KLHL12: variants seen among roughly 807,000 people sequenced by gnomAD.
KLHL12 encodes the protein kelch-like protein 12.
In KLHL12, 17 loss-of-function variants were observed where a neutral mutation model predicts 60.8. The observed-to-expected ratio is 0.28, with a 90% confidence interval of 0.19 to 0.42. The LOEUF (loss-of-function observed/expected upper bound fraction) is 0.42, where lower values mean the gene tolerates loss of function less well. KLHL12 is among the 10% of genes least tolerant of loss of function. The probability of loss-of-function intolerance (pLI) is 1.00; values close to 1 mark genes in which losing one functional copy is unlikely to be tolerated. For missense variants in KLHL12, 468 were observed against 722.3 expected (o/e 0.65, Z 4.04); for synonymous variants, 220 against 250.9 (o/e 0.88, Z 1.16).
intron 6 of KLHL12, among the ~76,000 whole-genome samples, chr1:202,901,026 A>G (rs1379965846): frequency 6.6e-6 from 1 of 152,184 alleles, no homozygotes; most frequent in African/African-American, 2.4e-5. Context: ...AGCCTGGGTG[A>G]CAAAGCAAGA....
At chr1:202,901,937 C>T (rs1274357329) in intron 6 of KLHL12, among the ~76,000 whole-genome samples, 5 of 152,134 alleles carry the variant, frequency 3.3e-5, no homozygotes, top group Non-Finnish European at 7.4e-5. Context: ...TCCCCACTCA[C>T]GTATTACCCC....
intron 2 of KLHL12, 66 bp from the exon 3 acceptor site, chr1:202,919,974 A>C: frequency 1.5e-6 from 2 of 1,318,592 alleles, no homozygotes; most frequent in Non-Finnish European, 2.2e-6. Flanking sequence ...AGAATCTCAT[A>C]TCTAAGAGCT....
At chr1:202,913,919 G>A (rs1159648888) in intron 4 of KLHL12, among the ~76,000 whole-genome samples, 2 of 152,170 alleles carry the variant, frequency 1.3e-5, no homozygotes, top group South Asian at 2.1e-4. Context: ...ACAGCAACAC[G>A]GGGCTAGCGG....
chr1:202,916,395 T>C (rs1660520453), intron 4 of KLHL12, among the ~76,000 whole-genome samples: 2 of 152,218 alleles, frequency 1.3e-5, no homozygotes, highest in Admixed American at 1.3e-4. Flanking sequence ...GGCTCACACT[T>C]ATAATCTCAG....
rs1660285037 is a variant in KLHL12 at position 202,909,248 on chromosome 1, C to G, written c.718-124G>C. 1.7e-6 allele frequency: 1 copy of G among 589,006 alleles called. No individual in the cohort carries two copies. 36.5% of individuals were successfully genotyped at this position (589,006 alleles called of 1,614,324 possible). A position where few individuals can be genotyped will look rare whatever the true frequency, so the allele number is the denominator to read the frequency against. On this transcript the variant is annotated intron_variant, in intron 5 of 11. Coordinates refer to ENST00000367261, the MANE Select transcript of KLHL12 (RefSeq NM_021633.4). This position sits in a 1 kb window ranked among gnomAD's most constrained non-coding sequence, Gnocchi z 4.1. ...AACCAGTTTGCAAAGCCCTGTGATT[C>G]CAGGAGTATTGCTGGTAGTAACCAT...
rs1659740539 is a variant in KLHL12 at position 202,893,524 on chromosome 1, G to A, written c.1394-99C>T. 3.0e-6 allele frequency: 3 copies of A among 985,804 alleles called. No homozygotes were observed. The highest frequency in any genetic ancestry group is 3.1e-6 in the Non-Finnish European group (2 of 655,500). 61.1% of individuals were successfully genotyped at this position (985,804 alleles called of 1,614,324 possible). On this transcript the variant is annotated intron_variant, in intron 10 of 11. Transcript: ENST00000367261. This position sits in a 1 kb window ranked among gnomAD's most constrained non-coding sequence, Gnocchi z 4.1. ...CACTAATGACTAGCTGAGTTCTACAGTAGATGAGGGATATGGAATGGGCCC... is the reference window on the plus strand; with the variant it reads ...CACTAATGACTAGCTGAGTTCTACAATAGATGAGGGATATGGAATGGGCCC...
rs1325935009 is a variant in KLHL12, at chr1:202,892,268, C to G, written c.*265G>C. The G allele has an allele frequency of 1.7e-5, 7 of 412,764 alleles. No homozygotes were observed. The highest frequency in any genetic ancestry group is 1.4e-4 in the African/African-American group (7 of 49,572). The allele number at this position is 412,764 out of a possible 1,614,324, so 25.6% of individuals were successfully genotyped here. ...GTTAGAAATGACAGGAAAGTGCTCCCCAAAGCAGTGGGAGAGGCAATGTGG... is the reference window on the plus strand; with the variant it reads ...GTTAGAAATGACAGGAAAGTGCTCCGCAAAGCAGTGGGAGAGGCAATGTGG... On this transcript the variant is annotated 3_prime_UTR_variant, in exon 12 of 12. Transcript: ENST00000367261.
In KLHL12 at chr1:202,911,095, GGGGCA is replaced by G; in HGVS notation, c.671_675del (p.Met224ThrfsTer14). ...TCTGTGATATACCTGGGGGTTAGTA[GGGGCA>G]TCCGCACATACTGTAGCAGGTTAGG... On this transcript the variant is annotated frameshift_variant, in exon 5 of 12. Transcript: ENST00000367261. LOFTEE classifies it high-confidence loss of function. 1 of 1,614,004 alleles carries G rather than the reference GGGGCA, an allele frequency of 6.2e-7. No individual in the cohort carries two copies. The highest frequency in any genetic ancestry group is 8.5e-7 in the Non-Finnish European group (1 of 1,179,926).
chr1:202,926,874 C>T (rs1653589250), intron 1 of KLHL12, among the ~76,000 whole-genome samples: 1 of 152,188 alleles, frequency 6.6e-6, no homozygotes, highest in Non-Finnish European at 1.5e-5. Flanking sequence ...ATGGCCGCCA[C>T]CGCCAGGTGG....
In KLHL12 at chr1:202,900,123, C is replaced by T. The variant is rs372482197; in HGVS notation, c.833-3163G>A. ...TGATGTATGTATGAATAAAAATTCCCACACCAACCAAGAGGTACTTCCTGT... is the reference window on the plus strand; with the variant it reads ...TGATGTATGTATGAATAAAAATTCCTACACCAACCAAGAGGTACTTCCTGT... On this transcript the variant is annotated intron_variant, in intron 6 of 11. Coordinates refer to ENST00000367261, the MANE Select transcript of KLHL12 (RefSeq NM_021633.4). Among the ~76,000 whole-genome samples, 658 of 152,140 alleles carry T rather than the reference C, an allele frequency of 4.3e-3. 3 individuals are homozygous for T. The highest frequency in any genetic ancestry group is 0.015 in the African/African-American group (633 of 41,504).
intron 2 of KLHL12, among the ~76,000 whole-genome samples, chr1:202,923,785 G>A (rs1653346795): frequency 6.6e-6 from 1 of 151,864 alleles, no homozygotes; most frequent in Non-Finnish European, 1.5e-5. Context: ...ATAAAAGGTA[G>A]TTATTACCAT....
intron 2 of KLHL12, among the ~76,000 whole-genome samples, chr1:202,921,484 C>T (rs1250471279): frequency 6.6e-6 from 1 of 152,126 alleles, no homozygotes; most frequent in Admixed American, 6.5e-5. Context: ...CCTTAGACTG[C>T]ATTTAGTAAT....
chr1:202,913,079 A>G (rs1330777591), intron 4 of KLHL12, among the ~76,000 whole-genome samples: 1 of 152,052 alleles, frequency 6.6e-6, no homozygotes, highest in Admixed American at 6.5e-5. Flanking sequence ...AAAACAAGAA[A>G]GAAAAGCATT....
chr1:202,897,257 C>CA (rs1363401485), intron 6 of KLHL12, among the ~76,000 whole-genome samples: 66 of 101,710 alleles, frequency 6.5e-4, no homozygotes, highest in Non-Finnish European at 4.4e-4. Flanking sequence ...TTTTTGGAGA[C>CA]AGAGTTTCGC....
At chr1:202,928,282 A>AG (rs11403422), upstream of KLHL12, among the ~76,000 whole-genome samples, 3 of 151,268 alleles carry the variant, frequency 2.0e-5, no homozygotes, top group African/African-American at 4.8e-5. Context: ...CTCAAAAAAA[A>AG]AAAAAAGAAA....
At chr1:202,898,407 C>T (rs1659906396) in intron 6 of KLHL12, among the ~76,000 whole-genome samples, 1 of 152,056 alleles carries the variant, frequency 6.6e-6, no homozygotes, top group South Asian at 2.1e-4. Flanking sequence ...ACAGATAAAC[C>T]CCTAATGAAG....
chr1:202,892,525 A>G lies in KLHL12; in HGVS notation c.*8T>C, dbSNP rs763877169. ...GGTCACTAGCTCTGGATGGTGCTCC[A>G]ACAATGGTCACTTCTCGCGGAGAAC... On this transcript the variant is annotated 3_prime_UTR_variant, in exon 12 of 12. Coordinates refer to ENST00000367261, the MANE Select transcript of KLHL12 (RefSeq NM_021633.4). 6.2e-7 allele frequency: 1 copy of G among 1,613,242 alleles called. No homozygotes were observed. Among genetic ancestry groups the G allele is most frequent in the Non-Finnish European group, 8.5e-7 (1 of 1,179,874 alleles).
intron 6 of KLHL12, among the ~76,000 whole-genome samples, chr1:202,905,512 C>A (rs765764310): frequency 5.3e-5 from 8 of 152,148 alleles, no homozygotes; most frequent in Non-Finnish European, 1.2e-4. Flanking sequence ...TCAAAGTAAG[C>A]AAAATGTCTT....
At chr1:202,920,619 G>A (rs1049901112) in intron 2 of KLHL12, among the ~76,000 whole-genome samples, 3 of 151,522 alleles carry the variant, frequency 2.0e-5, no homozygotes, top group Non-Finnish European at 4.4e-5. Context: ...CTCGTGATCC[G>A]CCTGCCTCAG....
Sources: gnomAD v4.1 joint callset for allele counts (sites outside exome capture counted in the v4.1 genomes callset) on GRCh38, gnomAD v4.1.1 for gene constraint, Gnocchi (gnomAD v3.1) non-coding constraint, MANE v1.5 for transcripts, NCBI Gene and HGNC (gene_info 2026-07-23, HGNC 2026-07-21) for gene names.